The following ATE1 variants were observed in gnomAD, a reference collection of about 807,000 sequenced individuals.
The protein encoded by ATE1 is arginyltransferase 1, also known as arginyl-tRNA--protein transferase 1.
In ATE1, 36 loss-of-function variants were observed where a neutral mutation model predicts 70.5. The observed-to-expected ratio is 0.51, with a 90% confidence interval of 0.39 to 0.67. ATE1 has a LOEUF of 0.67. ATE1 is among the 30% of genes least tolerant of loss of function. The pLI is 0.00. For missense variants in ATE1, 593 were observed against 629.5 expected (o/e 0.94, Z 0.62); for synonymous variants, 232 against 219.3 (o/e 1.06, Z -0.51).
At chr10:121,788,390 G>C (rs974818409) in intron 11 of ATE1, among the ~76,000 whole-genome samples, 1 of 152,170 alleles carries the variant, frequency 6.6e-6, no homozygotes, top group Non-Finnish European at 1.5e-5. Flanking sequence ...TAATGCCAGG[G>C]TACCTGGCAT....
intron 9 of ATE1, among the ~76,000 whole-genome samples, chr10:121,839,965 G>A (rs1175459142): frequency 1.3e-5 from 2 of 152,160 alleles, no homozygotes; most frequent in African/African-American, 2.4e-5. Flanking sequence ...AAGACTGAGA[G>A]ATGAAAAGAG....
intron 7 of ATE1, among the ~76,000 whole-genome samples, chr10:121,875,467 G>A (rs1008524433): frequency 2.0e-5 from 3 of 151,908 alleles, no homozygotes; most frequent in East Asian, 2.0e-4. Context: ...ACCACGCCTG[G>A]CTAATTCTTG....
intron 11 of ATE1, among the ~76,000 whole-genome samples, chr10:121,763,586 A>G (rs1945146897): frequency 6.6e-6 from 1 of 152,226 alleles, no homozygotes; most frequent in Non-Finnish European, 1.5e-5. Context: ...AGGGGTTGCC[A>G]GAGGATGGAG....
At chr10:121,797,159 C>T (rs962218444) in intron 10 of ATE1, among the ~76,000 whole-genome samples, 3 of 152,138 alleles carry the variant, frequency 2.0e-5, no homozygotes, top group Admixed American at 6.6e-5. Flanking sequence ...AGTCGACGAA[C>T]GTCTTTTACT....
Position 121,825,827 on chromosome 10 carries a change from G to A in ATE1, c.1257+10891C>T, listed in dbSNP as rs186696382. ...CCTTTGATTCAGCAATTCCACTTAC[G>A]GGTATACACAAAGAAGGGAAAGTGA... On this transcript the variant is annotated intron_variant, in intron 10 of 11. Transcript: ENST00000224652. Among the ~76,000 whole-genome samples the A allele has an allele frequency of 3.3e-5, 5 of 152,224 alleles. No individual in the cohort carries two copies. The East Asian group carries it at 7.7e-4, about 24-fold the overall frequency.
chr10:121,898,814 A>G (rs1423186377), intron 7 of ATE1: 1 of 1,610,508 alleles, frequency 6.2e-7, no homozygotes, highest in Admixed American at 1.7e-5. Flanking sequence ...CAACCTTATC[A>G]ACACAGAAAA....
At chr10:121,928,177 G>T (rs1344653281), upstream of ATE1, 2 of 1,290,630 alleles carry the variant, frequency 1.5e-6, no homozygotes, top group African/African-American at 3.1e-5. Context: ...ATAAGGGGCC[G>T]CCGTCGTCAG....
chr10:121,918,880 C>G (rs541028550), intron 3 of ATE1, among the ~76,000 whole-genome samples: 1 of 152,224 alleles, frequency 6.6e-6, no homozygotes, highest in East Asian at 1.9e-4. Flanking sequence ...CTCTCTGTAG[C>G]TAGGATTGTA....
At position 121,743,405 on chromosome 10, in the gene ATE1, G is replaced by T; in HGVS notation, c.*275C>A. ...TCTTCATTTTACAAAATACAAACAG[G>T]AGAATTTGAGCGTATCTTGCTCTAG... is the stretch of plus-strand genomic sequence containing the variant. On this transcript the variant is annotated 3_prime_UTR_variant, in exon 12 of 12. Transcript: ENST00000224652. The T allele has an allele frequency of 2.6e-6, 1 of 389,348 alleles. No individual in the cohort carries two copies. The highest frequency in any genetic ancestry group is 3.9e-6 in the Non-Finnish European group (1 of 254,858). 24.1% of individuals were successfully genotyped at this position (389,348 alleles called of 1,614,324 possible).
intron 7 of ATE1, among the ~76,000 whole-genome samples, chr10:121,889,848 C>T (rs1024855044): frequency 1.3e-5 from 2 of 151,794 alleles, no homozygotes; most frequent in Non-Finnish European, 2.9e-5. Flanking sequence ...TTTTGGTACA[C>T]TTGGAACATC....
intron 10 of ATE1, among the ~76,000 whole-genome samples, chr10:121,832,437 G>C (rs1157590053): frequency 6.6e-6 from 1 of 152,178 alleles, no homozygotes; most frequent in Non-Finnish European, 1.5e-5. Flanking sequence ...GTTAGGCTCT[G>C]TGTCCCCACC....
intron 10 of ATE1, among the ~76,000 whole-genome samples, chr10:121,832,899 C>A (rs1948299300): frequency 1.3e-5 from 2 of 152,160 alleles, no homozygotes; most frequent in African/African-American, 2.4e-5. Flanking sequence ...TCTAAGAAGT[C>A]TGGTTAACAA....
intron 11 of ATE1, among the ~76,000 whole-genome samples, chr10:121,776,570 G>A (rs1363821410): frequency 6.6e-6 from 1 of 152,218 alleles, no homozygotes; most frequent in Non-Finnish European, 1.5e-5. Flanking sequence ...GCTAGTGTTT[G>A]TCAAATTGTG....
chr10:121,781,477 C>A (rs532974592), intron 11 of ATE1, among the ~76,000 whole-genome samples: 1 of 152,304 alleles, frequency 6.6e-6, no homozygotes, highest in Admixed American at 6.5e-5. Context: ...CAGATGTACA[C>A]CAGGTGTCTC....
At chr10:121,757,940 C>T (rs1362800128) in intron 11 of ATE1, among the ~76,000 whole-genome samples, 2 of 152,200 alleles carry the variant, frequency 1.3e-5, no homozygotes, top group African/African-American at 2.4e-5. Flanking sequence ...TTTGTTCTGA[C>T]ATATTCCCAT....
At chr10:121,927,081 C>T (rs1952121915) in intron 1 of ATE1, 1 of 985,320 alleles carries the variant, frequency 1.0e-6, no homozygotes, top group Non-Finnish European at 1.2e-6. Flanking sequence ...ATAGAGTCTA[C>T]ATTCTATATT....
intron 11 of ATE1, among the ~76,000 whole-genome samples, chr10:121,752,145 C>T (rs547626559): frequency 1.2e-4 from 18 of 147,744 alleles, no homozygotes; most frequent in South Asian, 6.6e-4. Flanking sequence ...TGCAGTGAGC[C>T]GAGGTTGCGC....
At chr10:121,878,598 A>G (rs1232825051) in intron 7 of ATE1, among the ~76,000 whole-genome samples, 3 of 149,492 alleles carry the variant, frequency 2.0e-5, no homozygotes, top group Non-Finnish European at 3.0e-5. Context: ...GTCTCAAAAA[A>G]AAAAGAAAAG....
At chr10:121,897,538 G>A (rs1369292659) in intron 7 of ATE1, among the ~76,000 whole-genome samples, 1 of 152,100 alleles carries the variant, frequency 6.6e-6, no homozygotes, top group Non-Finnish European at 1.5e-5. Context: ...AGTTTAAGAT[G>A]TAGATTCTGG....
Sources: allele counts gnomAD v4.1 joint callset (sites outside exome capture counted in the v4.1 genomes callset), GRCh38; gene constraint gnomAD v4.1.1; transcripts MANE v1.5; gene names NCBI Gene and HGNC (gene_info 2026-07-23, HGNC 2026-07-21).